SNAPC4: variants seen among roughly 807,000 people sequenced by gnomAD.
SNAPC4 encodes snRNA-activating protein complex subunit 4.
A neutral mutation model predicts 151.3 loss-of-function variants in SNAPC4; 127 were observed. The ratio of observed to expected loss-of-function variants is 0.84; its 90% CI spans 0.73 to 0.97. The LOEUF (loss-of-function observed/expected upper bound fraction) is 0.97. Ranked by LOEUF, SNAPC4 falls within the 50% of genes least tolerant of loss-of-function variation. The pLI is 0.00. For synonymous variants in SNAPC4, 1,002 were observed against 824.4 expected (o/e 1.22, Z -3.69); for missense variants, 2,186 against 1,935.0 (o/e 1.13, Z -2.43).
chr9:136,385,512 A>G (rs879093118), intron 13 of SNAPC4, among the ~76,000 whole-genome samples: 1 of 152,288 alleles, frequency 6.6e-6, no homozygotes, highest in Admixed American at 6.5e-5. Flanking sequence ...TCCATGTTGT[A>G]TCAGAATTTA....
At chr9:136,380,667 CCT>C in intron 20 of SNAPC4, 71 bp downstream of exon 20, 1 of 840,130 alleles carries the variant, frequency 1.2e-6, no homozygotes, top group Admixed American at 2.0e-5. Context: ...GGGCAGCCAG[CCT>C]CCGTGGAAAC....
rs768823413 is a variant in SNAPC4 at position 136,383,549 on chromosome 9, G to GCTGCTGCTGCTGCTGCTGCTCCCTCCA, written c.1593_1619dup (p.Gly532_Ser540dup). ...GCTCTGGCTCGTCCTCCTCGCTGCT[G>GCTGCTGCTGCTGCTGCTGCTCCCTCCA]CTGCTGCTGCTGCTGCTGCTCCCTC... On this transcript the variant is annotated inframe_insertion, in exon 16 of 24. Transcript: ENST00000684778. This position sits in a 1 kb window ranked among gnomAD's most constrained non-coding sequence, Gnocchi z 4.2. 6.3e-7 allele frequency: 1 copy of GCTGCTGCTGCTGCTGCTGCTCCCTCCA among 1,595,566 alleles called. No individual in the cohort carries two copies. The highest frequency in any genetic ancestry group is 8.6e-7 in the Non-Finnish European group (1 of 1,169,250).
rs765121310 is a variant in SNAPC4, at chr9:136,383,534, GTCC to G, written c.1632_1634del (p.Glu544del). ...CCCCGGCCTGCGCCTGCTCTGGCTCGTCCTCCTCGCTGCTGCTGCTGCTGCTGC... is the reference window on the plus strand; with the variant it reads ...CCCCGGCCTGCGCCTGCTCTGGCTCGTCCTCGCTGCTGCTGCTGCTGCTGC... On this transcript the variant is annotated inframe_deletion, in exon 16 of 24. Coordinates refer to ENST00000684778, the MANE Select transcript of SNAPC4 (RefSeq NM_003086.4). This position sits in a 1 kb window ranked among gnomAD's most constrained non-coding sequence, Gnocchi z 4.2. The G allele has an allele frequency of 5.0e-6, 8 of 1,593,170 alleles. No individual in the cohort carries two copies. The highest frequency in any genetic ancestry group is 2.7e-5 in the African/African-American group (2 of 73,208).
chr9:136,387,478 G>A lies in SNAPC4; in HGVS notation c.1325+7C>T, dbSNP rs775199397. On this transcript the variant is annotated splice_region_variant and intron_variant, in intron 13 of 23. Coordinates refer to ENST00000684778, the MANE Select transcript of SNAPC4 (RefSeq NM_003086.4). ...GCCCCTCCCTCGCTCAGCGCTGTGC[G>A]ACTCACCGATCTCGGCACTGGGCAT... 10 of 1,597,466 alleles carry A rather than the reference G, an allele frequency of 6.3e-6. No homozygotes were observed. Among genetic ancestry groups the A allele is most frequent in the South Asian group, 1.1e-5 (1 of 90,768 alleles).
intron 12 of SNAPC4, 49 bp from the exon 13 acceptor site, chr9:136,387,628 C>A (rs777930325): frequency 6.8e-7 from 1 of 1,473,556 alleles, no homozygotes; most frequent in Admixed American, 1.7e-5. Context: ...GGTACGGCTG[C>A]AGCCTCCCCA....
chr9:136,398,651 G>A (rs1450099911), intron 1 of SNAPC4: 3 of 514,898 alleles, frequency 5.8e-6, no homozygotes, highest in South Asian at 4.6e-5. Flanking sequence ...GCTCTGCCAG[G>A]AGCCTAAGCC....
In SNAPC4 at chr9:136,394,894, G is replaced by A; in HGVS notation, c.472-16C>T. The A allele has an allele frequency of 1.2e-6, 2 of 1,611,650 alleles. No homozygotes were observed. The highest frequency in any genetic ancestry group is 3.3e-5 in the Admixed American group (2 of 59,994). On this transcript the variant is annotated splice_polypyrimidine_tract_variant and intron_variant, in intron 5 of 23. Transcript: ENST00000684778. ...CAGGTGGCCCCTGTCAGGGTGCACGGCATCACCACAAGCACAGGCCACATG... is the reference window on the plus strand; with the variant it reads ...CAGGTGGCCCCTGTCAGGGTGCACGACATCACCACAAGCACAGGCCACATG...
intron 12 of SNAPC4, 31 bp downstream of exon 12, chr9:136,387,711 G>A: frequency 6.8e-7 from 1 of 1,465,486 alleles, no homozygotes; most frequent in Middle Eastern, 1.7e-4. Context: ...CCTTCCCAGA[G>A]CCCAGTTCTC....
chr9:136,387,558 T>C lies in SNAPC4; in HGVS notation c.1252A>G (p.Lys418Glu). ...TTAAACCAATCCTGCTCCCCGTATT[T>C]GGCAACAGCTTGAAGCAACTTCTGC... ...EDAKLLQAVA[K>E]YGEQDWFKIR... is the part of the protein sequence containing the mutation. The change falls in exon 13 of 24, where the codon AAA (lysine) becomes GAA (glutamate). Residue 418 changes from lysine to glutamate, a missense_variant. Coordinates refer to ENST00000684778, the MANE Select transcript of SNAPC4 (RefSeq NM_003086.4). 1 of 1,613,900 alleles carries C rather than the reference T, an allele frequency of 6.2e-7. No homozygotes were observed. Among genetic ancestry groups the C allele is most frequent in the Non-Finnish European group, 8.5e-7 (1 of 1,179,890 alleles).
chr9:136,381,780 A>T (rs1588744583), intron 18 of SNAPC4, 44 bp downstream of exon 18: 1 of 1,580,586 alleles, frequency 6.3e-7, no homozygotes, highest in Non-Finnish European at 8.6e-7. Flanking sequence ...CTTCATCCTC[A>T]CCCCTCGCCC....
At position 136,381,391 on chromosome 9, in the gene SNAPC4, C is replaced by G. The variant is rs751195369; in HGVS notation, c.2319G>C (p.Ala773=). The G allele has an allele frequency of 2.5e-6, 4 of 1,612,264 alleles. No individual in the cohort carries two copies. Among genetic ancestry groups the G allele is most frequent in the Middle Eastern group, 3.3e-4 (2 of 6,058 alleles). ...GCTGCAGCTGCTCCCTGAGGCCATCCGCTGCGGGCACAGGGGGATAAGTGG... is the reference window on the plus strand; with the variant it reads ...GCTGCAGCTGCTCCCTGAGGCCATCGGCTGCGGGCACAGGGGGATAAGTGG... ...SQRPAVVQTQ[A]DGLREQLQQA... Residue 773 remains alanine (A), a splice_region_variant and synonymous_variant, in exon 19 of 24, where the codon GCG becomes GCC. Coordinates refer to ENST00000684778, the MANE Select transcript of SNAPC4 (RefSeq NM_003086.4).
chr9:136,399,515 G>A (rs1033687365), intron 1 of SNAPC4, among the ~76,000 whole-genome samples: 1 of 152,196 alleles, frequency 6.6e-6, no homozygotes, highest in Non-Finnish European at 1.5e-5. Flanking sequence ...TGTCGCTCAG[G>A]TGAGCAATGA....
intron 19 of SNAPC4, 48 bp downstream of exon 19, chr9:136,381,274 A>G (rs375913720): frequency 1.3e-6 from 2 of 1,497,572 alleles, no homozygotes; most frequent in African/African-American, 2.8e-5. Context: ...CTTCACCAAA[A>G]ACTTTTTACA....
intron 13 of SNAPC4, among the ~76,000 whole-genome samples, chr9:136,385,301 G>A (rs1057049556): frequency 2.0e-5 from 3 of 152,210 alleles, no homozygotes; most frequent in Admixed American, 2.0e-4. Flanking sequence ...TGAGAGTGTG[G>A]AAAACCGGAG....
Position 136,384,817 on chromosome 9 carries a change from G to C in SNAPC4, c.1326-3C>G. 6.5e-7 allele frequency: 1 copy of C among 1,549,436 alleles called. No individual in the cohort carries two copies. Among genetic ancestry groups the C allele is most frequent in the Non-Finnish European group, 8.8e-7 (1 of 1,138,640 alleles). ...TGAAATGTAATCTCCTGAGATACCT[G>C]AACGTGACATGAAAAGCAAAGAACG... On this transcript the variant is annotated splice_region_variant and splice_polypyrimidine_tract_variant and intron_variant, in intron 13 of 23. Transcript: ENST00000684778.
At chr9:136,389,110 GA>G in intron 10 of SNAPC4, among the ~76,000 whole-genome samples, 1 of 152,260 alleles carries the variant, frequency 6.6e-6, no homozygotes, top group Middle Eastern at 3.4e-3. Flanking sequence ...GCCCCAAAAT[GA>G]CTCTCCCAGC....
At position 136,387,553 on chromosome 9, in the gene SNAPC4, G is replaced by C. The variant is rs139103681; in HGVS notation, c.1257C>G (p.Tyr419Ter). The C allele has an allele frequency of 3.1e-6, 5 of 1,613,646 alleles. No individual in the cohort carries two copies. Among genetic ancestry groups the C allele is most frequent in the Non-Finnish European group, 3.4e-6 (4 of 1,179,800 alleles). Residue 419 changes from tyrosine (Y) to a stop codon, truncating the protein, a stop_gained, in exon 13 of 24, where the codon TAC becomes TAG. Transcript: ENST00000684778. LOFTEE classifies it high-confidence loss of function. ...GGATTTTAAACCAATCCTGCTCCCCGTATTTGGCAACAGCTTGAAGCAACT... is the reference window on the plus strand; with the variant it reads ...GGATTTTAAACCAATCCTGCTCCCCCTATTTGGCAACAGCTTGAAGCAACT... ...DAKLLQAVAK[Y>*]GEQDWFKIRE...
At chr9:136,398,505 C>T in intron 1 of SNAPC4, 68 bp from the exon 2 acceptor site, 1 of 1,559,616 alleles carries the variant, frequency 6.4e-7, no homozygotes, top group South Asian at 1.2e-5. Flanking sequence ...CTCCTTCAGA[C>T]ACACCCGCCC....
Position 136,383,986 on chromosome 9 carries a change from G to A in SNAPC4, c.1467C>T (p.Ser489=). ...IASELPHRSG[S]QCLSKWKIMM... ...TGATCTTCCACTTGCTCAGACACTG[G>A]GAGCCAGACCGATGGGGCAGCTCAG... The change falls in exon 15 of 24, where the codon TCC becomes TCT. Residue 489 remains serine, a synonymous_variant. Coordinates refer to ENST00000684778, the MANE Select transcript of SNAPC4 (RefSeq NM_003086.4). The surrounding 1 kb of genome is among the most constrained non-coding windows in gnomAD (Gnocchi z 4.2). 6.2e-7 allele frequency: 1 copy of A among 1,613,848 alleles called. No homozygotes were observed. Among genetic ancestry groups the A allele is most frequent in the Non-Finnish European group, 8.5e-7 (1 of 1,179,982 alleles).
Sources: gnomAD v4.1 joint callset for allele counts (sites outside exome capture counted in the v4.1 genomes callset) on GRCh38, gnomAD v4.1.1 for gene constraint, Gnocchi (gnomAD v3.1) non-coding constraint, MANE v1.5 for transcripts, NCBI Gene and HGNC (gene_info 2026-07-23, HGNC 2026-07-21) for gene names.